ACACA: variants seen among roughly 807,000 people sequenced by gnomAD.
ACACA encodes the protein acetyl-CoA carboxylase 1.
A neutral mutation model predicts 296.1 loss-of-function variants in ACACA; 103 were observed. The ratio of observed to expected loss-of-function variants is 0.35; its 90% CI spans 0.30 to 0.41. The LOEUF (loss-of-function observed/expected upper bound fraction) is 0.41. Among genes scored for constraint, ACACA ranks in the 10% least tolerant of loss-of-function variants. The pLI is 1.00. For synonymous variants in ACACA, 953 were observed against 1,038.6 expected (o/e 0.92, Z 1.58); for missense variants, 1,554 against 2,989.7 (o/e 0.52, Z 11.20).
At chr17:37,182,761 C>A (rs1056934280) in intron 39 of ACACA, among the ~76,000 whole-genome samples, 1 of 152,126 alleles carries the variant, frequency 6.6e-6, no homozygotes, top group Non-Finnish European at 1.5e-5. Flanking sequence ...AGATTGTGGA[C>A]CTGATATATA....
At chr17:37,235,609 A>C (rs1188515092) in intron 24 of ACACA, among the ~76,000 whole-genome samples, 1 of 152,164 alleles carries the variant, frequency 6.6e-6, no homozygotes, top group Non-Finnish European at 1.5e-5. Context: ...AGTTGACCCT[A>C]ATCAGTAGGA....
intron 29 of ACACA, among the ~76,000 whole-genome samples, chr17:37,213,348 C>CAAAAAAAAAAA (rs11353673): frequency 2.5e-5 from 2 of 78,618 alleles, no homozygotes; most frequent in Non-Finnish European, 6.1e-5. Context: ...AAGTAAGTCT[C>CAAAAAAAAAAA]AAAAAAAAAA....
intron 39 of ACACA, among the ~76,000 whole-genome samples, chr17:37,186,545 G>A (rs2077539637): frequency 6.6e-6 from 1 of 152,206 alleles, no homozygotes; most frequent in Non-Finnish European, 1.5e-5. Context: ...GCACCATGTA[G>A]GCATTAGGAG....
At chr17:37,243,960 C>T (rs1211117384) in intron 21 of ACACA, among the ~76,000 whole-genome samples, 1 of 152,182 alleles carries the variant, frequency 6.6e-6, no homozygotes, top group Non-Finnish European at 1.5e-5. Context: ...GCGATCTTTC[C>T]ATCTCAGCTT....
chr17:37,227,529 T>C (rs1379054265), intron 25 of ACACA, among the ~76,000 whole-genome samples: 4 of 152,016 alleles, frequency 2.6e-5, no homozygotes, highest in Non-Finnish European at 5.9e-5. Flanking sequence ...CTAGGCAACA[T>C]GGTGAGACCC....
intron 54 of ACACA, among the ~76,000 whole-genome samples, chr17:37,089,599 G>C (rs868720363): frequency 7.9e-5 from 12 of 152,324 alleles, no homozygotes; most frequent in African/African-American, 2.6e-4. Flanking sequence ...CTTTTGATGA[G>C]GCACGGACGG....
intron 22 of ACACA, 45 bp downstream of exon 22, chr17:37,243,326 T>C: frequency 1.3e-6 from 2 of 1,566,674 alleles, no homozygotes; most frequent in South Asian, 1.1e-5. Flanking sequence ...ACATAAACTC[T>C]GGCATTGGTA....
chr17:37,158,126 C>G (rs1279340001), intron 42 of ACACA, among the ~76,000 whole-genome samples: 2 of 152,030 alleles, frequency 1.3e-5, no homozygotes, highest in Non-Finnish European at 2.9e-5. Context: ...AGGTCTTTTA[C>G]TTGAACAAAT....
intron 24 of ACACA, 126 bp downstream of exon 24, chr17:37,240,350 G>T: frequency 1.3e-6 from 1 of 777,062 alleles, no homozygotes; most frequent in Non-Finnish European, 2.2e-6. Flanking sequence ...ATAGGAGACT[G>T]TTTATTAATG....
intron 17 of ACACA, 116 bp downstream of exon 17, chr17:37,248,477 G>A (rs2080823076): frequency 4.7e-6 from 4 of 842,370 alleles, no homozygotes; most frequent in African/African-American, 1.7e-5. Flanking sequence ...AAATAATGAC[G>A]GTAATTTCAC....
intron 1 of ACACA, among the ~76,000 whole-genome samples, chr17:37,363,623 T>G (rs1417053506): frequency 1.3e-5 from 2 of 152,202 alleles, no homozygotes; most frequent in East Asian, 3.8e-4. Flanking sequence ...CTGTCACTCT[T>G]AGGACAAGAA....
chr17:37,288,766 G>A (rs966417064), intron 3 of ACACA, among the ~76,000 whole-genome samples: 1 of 152,042 alleles, frequency 6.6e-6, no homozygotes, highest in Non-Finnish European at 1.5e-5. Context: ...GGCCTTGGTG[G>A]CACACGCCTA....
intron 18 of ACACA, among the ~76,000 whole-genome samples, chr17:37,247,419 G>A (rs2080767127): frequency 1.4e-5 from 2 of 145,966 alleles, no homozygotes; most frequent in Non-Finnish European, 3.0e-5. Context: ...CCAGACTGGA[G>A]TGCAATGGCG....
rs2072279588 is a variant in ACACA, at chr17:37,087,400, G to T, written c.7068C>A (p.Ile2356=). Residue 2356 remains isoleucine (I), a synonymous_variant, in exon 56 of 56, where the codon ATC becomes ATA. Coordinates refer to ENST00000616317, the MANE Select transcript of ACACA (RefSeq NM_198834.3). ...GTGATATGTGCTGCGTCATATGGAT[G>T]ATGGAATCCATGGCAACCTCTGGAT... ...QANPEVAMDS[I]IHMTQHISPT... The T allele has an allele frequency of 6.2e-7, 1 of 1,613,986 alleles. No homozygotes were observed. Among genetic ancestry groups the T allele is most frequent in the African/African-American group, 1.3e-5 (1 of 74,892 alleles).
chr17:37,092,144 G>A (rs1165302739), intron 54 of ACACA, among the ~76,000 whole-genome samples: 1 of 151,812 alleles, frequency 6.6e-6, no homozygotes, highest in Non-Finnish European at 1.5e-5. Context: ...GCCAGGTGGG[G>A]TAGTGTATGC....
At chr17:37,259,832 A>G (rs749570431) in intron 11 of ACACA, among the ~76,000 whole-genome samples, 4 of 151,892 alleles carry the variant, frequency 2.6e-5, no homozygotes, top group Non-Finnish European at 5.9e-5. Flanking sequence ...AGTATTTCCA[A>G]TATGCTCCTC....
chr17:37,296,703 T>C (rs143359342), intron 3 of ACACA, among the ~76,000 whole-genome samples: 1 of 151,990 alleles, frequency 6.6e-6, no homozygotes, highest in East Asian at 1.9e-4. Context: ...TAGTGGTAAT[T>C]AGATTTCAAC....
Position 37,188,341 on chromosome 17 carries a change from T to C in ACACA, c.4712A>G (p.Asn1571Ser). 4 of 1,614,118 alleles carry C rather than the reference T, an allele frequency of 2.5e-6. No homozygotes were observed. The highest frequency in any genetic ancestry group is 3.4e-6 in the Non-Finnish European group (4 of 1,180,014). ...GATATCCAAGTAATAGCCAGACTCG[T>C]TTGTCAGGAAGAGGCGGATGGGAAT... is the stretch of plus-strand genomic sequence containing the variant. ...KAIPIRLFLT[N>S]ESGYYLDISL... is the part of the protein sequence containing the mutation. The change falls in exon 39 of 56, where the codon AAC (asparagine) becomes AGC (serine). Residue 1571 changes from asparagine to serine, a missense_variant. Physicochemically the swap from Asn to Ser is conservative, Grantham distance 46. Coordinates refer to ENST00000616317, the MANE Select transcript of ACACA (RefSeq NM_198834.3).
Position 37,299,472 on chromosome 17 carries a change from C to A in ACACA, c.339-14502G>T, listed in dbSNP as rs2083513862. The stretch of plus-strand genomic sequence containing the variant: ...TGCCTTCTGCCTGGCTTCAGTCAGA[C>A]TAGAATACTCCTGATGGCCTCAAAC... On this transcript the variant is annotated intron_variant, in intron 3 of 55. Coordinates refer to ENST00000616317, the MANE Select transcript of ACACA (RefSeq NM_198834.3). The A allele has an allele frequency of 1.9e-6, 3 of 1,542,142 alleles. No individual in the cohort carries two copies. In the South Asian group the frequency reaches 3.6e-5, roughly 19 times the overall value.
Sources: allele counts gnomAD v4.1 joint callset (sites outside exome capture counted in the v4.1 genomes callset), GRCh38; gene constraint gnomAD v4.1.1; transcripts MANE v1.5; gene names NCBI Gene and HGNC (gene_info 2026-07-23, HGNC 2026-07-21).